PITPNB: variants seen among roughly 807,000 people sequenced by gnomAD.
PITPNB encodes phosphatidylinositol transfer protein beta, also known as phosphatidylinositol transfer protein beta isoform.
A neutral mutation model predicts 45.9 loss-of-function variants in PITPNB; 16 were observed. The observed-to-expected ratio is 0.35, with a 90% CI of 0.24 to 0.53. PITPNB has a LOEUF of 0.53. PITPNB is among the 20% of genes least tolerant of loss of function. The probability of loss-of-function intolerance (pLI) is 0.93; values close to 1 mark genes in which losing one functional copy is unlikely to be tolerated. For missense variants in PITPNB, 188 were observed against 330.5 expected (o/e 0.57, Z 3.34); for synonymous variants, 112 against 108.9 (o/e 1.03, Z -0.18).
intron 7 of PITPNB, among the ~76,000 whole-genome samples, chr22:27,883,050 G>A (rs571267832): frequency 1.3e-5 from 2 of 152,150 alleles, no homozygotes; most frequent in Non-Finnish European, 2.9e-5. Flanking sequence ...TTGCACATAT[G>A]CGAACTTCAA....
chr22:27,899,668 A>C (rs1347919899), intron 3 of PITPNB, among the ~76,000 whole-genome samples: 1 of 152,206 alleles, frequency 6.6e-6, no homozygotes, highest in South Asian at 2.1e-4. Flanking sequence ...CAAACTTCAG[A>C]AACACCAAGC....
chr22:27,903,744 C>T (rs573030970), intron 3 of PITPNB, among the ~76,000 whole-genome samples: 2 of 143,504 alleles, frequency 1.4e-5, no homozygotes, highest in African/African-American at 5.2e-5. Context: ...CAACTGCAGT[C>T]CAGCCTAGAT....
intron 7 of PITPNB, among the ~76,000 whole-genome samples, chr22:27,878,921 C>T (rs929537509): frequency 6.6e-6 from 1 of 152,166 alleles, no homozygotes; most frequent in Non-Finnish European, 1.5e-5. Flanking sequence ...ATAATTCAGT[C>T]CTCTCATTAA....
intron 8 of PITPNB, among the ~76,000 whole-genome samples, chr22:27,866,899 A>G (rs751507544): frequency 2.0e-5 from 3 of 152,180 alleles, no homozygotes; most frequent in Non-Finnish European, 4.4e-5. Flanking sequence ...GCATCAGTAA[A>G]TATCAACACA....
chr22:27,916,261 CAAGT>C (rs1936071843), intron 1 of PITPNB, among the ~76,000 whole-genome samples: 3 of 152,110 alleles, frequency 2.0e-5, no homozygotes, highest in Admixed American at 2.0e-4. Flanking sequence ...ATTTGCTTAA[CAAGT>C]AAAAGGGAAA....
Position 27,903,840 on chromosome 22 carries a change from TCAAA to T in PITPNB, c.198-5952_198-5949del, listed in dbSNP as rs1935683192. On this transcript the variant is annotated intron_variant, in intron 3 of 11. Coordinates refer to ENST00000335272, the MANE Select transcript of PITPNB (RefSeq NM_012399.5). Reference sequence around the variant, plus strand: ...GTACAAGATTTGAACAGATATTTCTTCAAACAAAGAAGATATACAAATGACCAAA... The same window carrying T: ...GTACAAGATTTGAACAGATATTTCTTCAAAGAAGATATACAAATGACCAAA... Among the ~76,000 whole-genome samples, 8 of 150,560 alleles carry T rather than the reference TCAAA, an allele frequency of 5.3e-5. 1 individual carries two copies. Among genetic ancestry groups the T allele is most frequent in the Admixed American group, 4.0e-4 (6 of 15,128 alleles).
In PITPNB at chr22:27,909,065, C is replaced by G. The variant is rs570201144; in HGVS notation, c.197+1899G>C. On this transcript the variant is annotated intron_variant, in intron 3 of 11. Coordinates refer to ENST00000335272, the MANE Select transcript of PITPNB (RefSeq NM_012399.5). ...ACAGCTACAACTTTAAGGAGTTCCA[C>G]AAAACATGAGTATGATTCATTTCAA... Among the ~76,000 whole-genome samples the G allele has an allele frequency of 2.0e-5, 3 of 152,112 alleles. No individual in the cohort carries two copies. The South Asian group carries it at 6.2e-4, about 32-fold the overall frequency.
intron 5 of PITPNB, 122 bp from the exon 6 acceptor site, chr22:27,896,748 A>G: frequency 1.5e-6 from 1 of 654,386 alleles, no homozygotes; most frequent in African/African-American, 1.8e-5. Flanking sequence ...ACTGATACTC[A>G]AGTGACAAAG....
At chr22:27,864,449 G>A (rs1934423886) in intron 8 of PITPNB, among the ~76,000 whole-genome samples, 1 of 152,090 alleles carries the variant, frequency 6.6e-6, no homozygotes, top group Admixed American at 6.6e-5. Context: ...ATCCTACCCT[G>A]TACCCTGTAA....
intron 8 of PITPNB, among the ~76,000 whole-genome samples, chr22:27,864,999 G>GA (rs1282548586): frequency 6.6e-6 from 1 of 151,632 alleles, no homozygotes; most frequent in African/African-American, 2.4e-5. Context: ...CAATGTGGGA[G>GA]AAAAAAAGGA....
At chr22:27,862,812 T>C (rs946522787) in intron 8 of PITPNB, among the ~76,000 whole-genome samples, 1 of 152,208 alleles carries the variant, frequency 6.6e-6, no homozygotes, top group Non-Finnish European at 1.5e-5. Context: ...ATGCTGCCCT[T>C]GGTGTCAATA....
intron 6 of PITPNB, 54 bp downstream of exon 6, chr22:27,896,498 T>C (rs2146402325): frequency 5.3e-6 from 6 of 1,140,000 alleles, no homozygotes; most frequent in Middle Eastern, 1.9e-4. Context: ...GAACTACATA[T>C]AGAATTCTCG....
intron 3 of PITPNB, among the ~76,000 whole-genome samples, chr22:27,904,711 T>C (rs1906549092): frequency 6.6e-6 from 1 of 152,064 alleles, no homozygotes; most frequent in Non-Finnish European, 1.5e-5. Flanking sequence ...AGAGAGAAGG[T>C]AACTTTGATT....
At chr22:27,918,046 C>G (rs1345098639) in intron 1 of PITPNB, among the ~76,000 whole-genome samples, 1 of 152,012 alleles carries the variant, frequency 6.6e-6, no homozygotes, top group Admixed American at 6.6e-5. Context: ...AGCAGAGGAA[C>G]AGCAAGGAAG....
At chr22:27,889,448 G>C (rs1251527299) in intron 7 of PITPNB, among the ~76,000 whole-genome samples, 2 of 152,078 alleles carry the variant, frequency 1.3e-5, no homozygotes, top group African/African-American at 4.8e-5. Context: ...TTTCTACTTG[G>C]AAGGGAGAGA....
At chr22:27,918,537 G>A (rs1936155417) in intron 1 of PITPNB, among the ~76,000 whole-genome samples, 1 of 152,210 alleles carries the variant, frequency 6.6e-6, no homozygotes, top group African/African-American at 2.4e-5. Flanking sequence ...TAAGAAAGTA[G>A]GTGGGGCCCG....
intron 2 of PITPNB, 30 bp from the exon 3 acceptor site, chr22:27,911,139 TA>T: frequency 6.3e-7 from 1 of 1,585,118 alleles, no homozygotes; most frequent in South Asian, 1.1e-5. Flanking sequence ...AGAAACTGAG[TA>T]AGTCAGTAGT....
In PITPNB at chr22:27,914,469, A is replaced by T. The variant is rs144843921; in HGVS notation, c.21-122T>A. 2.3e-3 allele frequency: 1,416 copies of T among 603,014 alleles called. 10 individuals carry two copies. The highest frequency in any genetic ancestry group is 0.022 in the African/African-American group (1,152 of 52,160). The allele number at this position is 603,014 out of a possible 1,614,324, so 37.4% of individuals were successfully genotyped here. ...GACAGGTCTCTTAAATCAAAAAAAT[A>T]CAAGGGTGTCATTTATGGAAGAGGG... On this transcript the variant is annotated intron_variant, in intron 1 of 11. Transcript: ENST00000335272.
intron 5 of PITPNB, 93 bp downstream of exon 5, chr22:27,897,037 G>A (rs903012010): frequency 4.5e-6 from 4 of 879,284 alleles, no homozygotes; most frequent in Admixed American, 3.4e-5. Context: ...ATGCAGCGAG[G>A]TGCAGTTAGC....
Sources: allele counts gnomAD v4.1 joint callset (sites outside exome capture counted in the v4.1 genomes callset), GRCh38; gene constraint gnomAD v4.1.1; transcripts MANE v1.5; gene names NCBI Gene and HGNC (gene_info 2026-07-23, HGNC 2026-07-21).